The following NAALADL2 variants were observed in gnomAD, a reference collection of about 807,000 sequenced individuals.
NAALADL2 encodes N-acetylated alpha-linked acidic dipeptidase like 2.
NAALADL2 carries 76 observed loss-of-function variants against 87.2 expected under a neutral mutation model. That is an observed-to-expected ratio of 0.87 (90% CI 0.72 to 1.05). NAALADL2 has a LOEUF of 1.05. Among genes scored for constraint, NAALADL2 ranks in the 50% least tolerant of loss-of-function variants. NAALADL2 has a pLI of 0.00. For synonymous variants in NAALADL2, 354 were observed against 331.0 expected (o/e 1.07, Z -0.75); for missense variants, 1,089 against 945.8 (o/e 1.15, Z -1.99).
At chr3:174,523,583 A>G (rs1444176197) in intron 1 of NAALADL2, 2 of 152,168 alleles carry the variant, frequency 1.3e-5, no homozygotes. Context: ...TGAAAACAGA[A>G]CCTAACACAT....
chr3:175,201,936 A>C (rs1184421285), intron 2 of NAALADL2, among the ~76,000 whole-genome samples: 1 of 152,202 alleles, frequency 6.6e-6, no homozygotes, highest in Non-Finnish European at 1.5e-5. Flanking sequence ...TGATTTTATC[A>C]ATGTATTTCT....
chr3:175,629,599 C>T (rs1222837716), intron 11 of NAALADL2, among the ~76,000 whole-genome samples: 1 of 151,522 alleles, frequency 6.6e-6, no homozygotes, highest in African/African-American at 2.4e-5. Context: ...GCCACGAGAA[C>T]ATAGAATGAA....
intron 2 of NAALADL2, among the ~76,000 whole-genome samples, chr3:175,126,148 A>G (rs189288448): frequency 3.3e-5 from 5 of 152,206 alleles, no homozygotes; most frequent in African/African-American, 4.8e-5. Context: ...TGCAACAAGA[A>G]TAGTTTCTGG....
intron 5 of NAALADL2, among the ~76,000 whole-genome samples, chr3:175,415,538 A>G: frequency 6.6e-6 from 1 of 152,266 alleles, no homozygotes; most frequent in Non-Finnish European, 1.5e-5. Context: ...AAATAACGCA[A>G]TGAGAAATAC....
At chr3:175,666,284 C>T (rs1185201668) in intron 11 of NAALADL2, among the ~76,000 whole-genome samples, 2 of 151,974 alleles carry the variant, frequency 1.3e-5, no homozygotes, top group Non-Finnish European at 2.9e-5. Flanking sequence ...AAATGAAGTT[C>T]AGAGAAAGGA....
chr3:175,661,415 A>T (rs1732241702), intron 11 of NAALADL2, among the ~76,000 whole-genome samples: 1 of 151,600 alleles, frequency 6.6e-6, no homozygotes, highest in Non-Finnish European at 1.5e-5. Context: ...AATTCCTGGA[A>T]GGATGGATAG....
At chr3:175,635,277 T>A (rs1438276664) in intron 11 of NAALADL2, among the ~76,000 whole-genome samples, 2 of 152,080 alleles carry the variant, frequency 1.3e-5, no homozygotes, top group African/African-American at 4.8e-5. Flanking sequence ...TATGTGATTG[T>A]CAAAATTTGA....
At chr3:175,563,231 G>A (rs1302444416) in intron 9 of NAALADL2, among the ~76,000 whole-genome samples, 1 of 152,090 alleles carries the variant, frequency 6.6e-6, no homozygotes, top group African/African-American at 2.4e-5. Context: ...ATGCAAAATT[G>A]TCTATCTCAT....
At chr3:175,279,908 C>T (rs529252762) in intron 4 of NAALADL2, among the ~76,000 whole-genome samples, 29 of 151,450 alleles carry the variant, frequency 1.9e-4, no homozygotes, top group African/African-American at 7.0e-4. Flanking sequence ...AAGCACTTCC[C>T]TAGAATTTTA....
intron 2 of NAALADL2, among the ~76,000 whole-genome samples, chr3:175,107,535 A>ACACAAAC (rs1560036217): frequency 1.4e-5 from 2 of 146,054 alleles, no homozygotes; most frequent in Admixed American, 6.8e-5. Flanking sequence ...CACACACACA[A>ACACAAAC]ACACACACAC....
At chr3:175,616,935 C>T (rs994450138) in intron 10 of NAALADL2, among the ~76,000 whole-genome samples, 5 of 152,060 alleles carry the variant, frequency 3.3e-5, no homozygotes, top group Non-Finnish European at 2.9e-5. Context: ...TGCGGTTCAG[C>T]GAATTTTCCC....
chr3:175,639,548 C>G (rs1046638187), intron 11 of NAALADL2, among the ~76,000 whole-genome samples: 3 of 151,954 alleles, frequency 2.0e-5, no homozygotes, highest in African/African-American at 4.8e-5. Flanking sequence ...TCTTGATCTC[C>G]TGACCTCGTG....
intron 1 of NAALADL2, among the ~76,000 whole-genome samples, chr3:175,073,624 T>C (rs1437599697): frequency 6.6e-6 from 1 of 152,074 alleles, no homozygotes; most frequent in Non-Finnish European, 1.5e-5. Flanking sequence ...TCATTTATTC[T>C]GAAGTATTGT....
At chr3:175,618,545 A>C (rs1217291912) in intron 10 of NAALADL2, among the ~76,000 whole-genome samples, 1 of 152,096 alleles carries the variant, frequency 6.6e-6, no homozygotes, top group Non-Finnish European at 1.5e-5. Context: ...GAGTCAAAGG[A>C]GTTCTAGTGA....
At chr3:175,074,360 A>G (rs1229308338) in intron 1 of NAALADL2, among the ~76,000 whole-genome samples, 1 of 152,150 alleles carries the variant, frequency 6.6e-6, no homozygotes, top group Non-Finnish European at 1.5e-5. Context: ...TTTATTTATC[A>G]AAAATATTCT....
At chr3:174,730,320 T>C (rs1399847624) in intron 2 of NAALADL2, among the ~76,000 whole-genome samples, 1 of 152,140 alleles carries the variant, frequency 6.6e-6, no homozygotes, top group East Asian at 1.9e-4. Context: ...ATTTGTGGTT[T>C]AAATTTGTGA....
At chr3:175,184,702 G>C (rs1040314535) in intron 2 of NAALADL2, among the ~76,000 whole-genome samples, 1 of 152,044 alleles carries the variant, frequency 6.6e-6, no homozygotes, top group Non-Finnish European at 1.5e-5. Context: ...GTGTATAATA[G>C]AGAAAGTCTT....
chr3:175,090,684 G>A (rs1216973891), intron 1 of NAALADL2, among the ~76,000 whole-genome samples: 2 of 151,792 alleles, frequency 1.3e-5, no homozygotes, highest in Non-Finnish European at 2.9e-5. Context: ...TCAGGCTTCA[G>A]GGTGAAGTTT....
At chr3:174,534,894 T>G (rs1721590369) in intron 1 of NAALADL2, among the ~76,000 whole-genome samples, 1 of 152,224 alleles carries the variant, frequency 6.6e-6, no homozygotes, top group Non-Finnish European at 1.5e-5. Context: ...AGGCCAGTGG[T>G]TCTCAATCTT....
Sources: gnomAD v4.1 joint callset for allele counts (sites outside exome capture counted in the v4.1 genomes callset) on GRCh38, gnomAD v4.1.1 for gene constraint, MANE v1.5 for transcripts, NCBI Gene and HGNC (gene_info 2026-07-23, HGNC 2026-07-21) for gene names.